MAP4K1: variants seen among roughly 807,000 people sequenced by gnomAD.
MAP4K1 encodes the protein mitogen-activated protein kinase kinase kinase kinase 1.
A neutral mutation model predicts 122.8 loss-of-function variants in MAP4K1; 35 were observed. That is an observed-to-expected ratio of 0.29 (90% CI 0.22 to 0.38). MAP4K1 has a LOEUF of 0.38. MAP4K1 is among the 10% of genes least tolerant of loss of function. The pLI, the probability that MAP4K1 is intolerant of heterozygous loss-of-function variation, is 1.00. For missense variants in MAP4K1, 791 were observed against 1,072.6 expected, an observed-to-expected ratio of 0.74 and a Z score of 3.67; for synonymous variants, 412 against 421.3, an observed-to-expected ratio of 0.98 and a Z score of 0.27.
At chr19:38,616,064 G>A (rs1485844986) in intron 4 of MAP4K1, 131 bp downstream of exon 4, 2 of 627,540 alleles carry the variant, frequency 3.2e-6, no homozygotes, top group African/African-American at 1.9e-5. Context: ...CTCAGCCCAG[G>A]AGTTTGAAAT....
intron 30 of MAP4K1, 87 bp from the exon 31 acceptor site, chr19:38,587,904 G>A: frequency 9.7e-7 from 1 of 1,034,272 alleles, no homozygotes; most frequent in Non-Finnish European, 1.5e-6. Flanking sequence ...TAGAGACTGT[G>A]CCAGCCCCAT....
At chr19:38,598,538 C>T (rs1974956960) in intron 22 of MAP4K1, among the ~76,000 whole-genome samples, 1 of 152,048 alleles carries the variant, frequency 6.6e-6, no homozygotes, top group Non-Finnish European at 1.5e-5. Context: ...CACTATGTTG[C>T]CCAGGCTGAT....
intron 11 of MAP4K1, 82 bp downstream of exon 11, chr19:38,610,969 G>T: frequency 7.8e-7 from 1 of 1,287,384 alleles, no homozygotes; most frequent in Non-Finnish European, 1.1e-6. Flanking sequence ...GGACTCCATG[G>T]AACAAAGTTA....
intron 19 of MAP4K1, among the ~76,000 whole-genome samples, chr19:38,603,331 C>CGCAT (rs1975212901): frequency 6.6e-6 from 1 of 150,382 alleles, no homozygotes. Context: ...TACATATATA[C>CGCAT]GCATATACAT....
In MAP4K1 at chr19:38,597,353, T is replaced by C; in HGVS notation, c.1810A>G (p.Thr604Ala). ...ACACAGCACGCCCGGCAGCCTTTGG[T>C]GTCCTGGATCTTGGTGGAAACCATG... ...KNMVSTKIQD[T>A]KGCRACCVAE... The change falls in exon 24 of 31, where the codon ACC becomes GCC. Residue 604 changes from threonine (T) to alanine (A), a missense_variant. Physicochemically the swap from Thr to Ala is moderately conservative, Grantham distance 58. Coordinates refer to ENST00000396857, the MANE Select transcript of MAP4K1 (RefSeq NM_001042600.3). The surrounding 1 kb of genome is among the most constrained non-coding windows in gnomAD (Gnocchi z 4.6). The C allele has an allele frequency of 6.2e-7, 1 of 1,614,060 alleles. No individual in the cohort carries two copies. Among genetic ancestry groups the C allele is most frequent in the Non-Finnish European group, 8.5e-7 (1 of 1,180,008 alleles).
At chr19:38,590,829 G>GT (rs1253268844) in intron 30 of MAP4K1, among the ~76,000 whole-genome samples, 1 of 151,944 alleles carries the variant, frequency 6.6e-6, no homozygotes, top group African/African-American at 2.4e-5. Flanking sequence ...TTTCAGTGTT[G>GT]TTTTCTTGAT....
chr19:38,596,080 G>C, intron 26 of MAP4K1, 79 bp from the exon 27 acceptor site: 1 of 1,453,312 alleles, frequency 6.9e-7, no homozygotes, highest in Non-Finnish European at 9.6e-7. Flanking sequence ...GCCAGTACCT[G>C]TGCTTTAGCC....
chr19:38,601,487 G>C lies in MAP4K1; in HGVS notation c.1485C>G (p.Pro495=). ...ALLVKLFNGC[P]LRIHSTAAWT... ...AGGCGGCCGTGCTGTGGATCCGGAG[G>C]GGGCAGCCATTGAACAACTTTACGA... Residue 495 remains proline (P), a synonymous_variant, in exon 20 of 31, where the codon CCC becomes CCG. Coordinates refer to ENST00000396857, the MANE Select transcript of MAP4K1 (RefSeq NM_001042600.3). The C allele has an allele frequency of 1.2e-6, 2 of 1,610,354 alleles. No individual in the cohort carries two copies. Among genetic ancestry groups the C allele is most frequent in the Non-Finnish European group, 1.7e-6 (2 of 1,178,642 alleles).
At position 38,590,021 on chromosome 19, in the gene MAP4K1, A is replaced by C. The variant is rs149189413; in HGVS notation, c.2397-2204T>G. On this transcript the variant is annotated intron_variant, in intron 30 of 30. Transcript: ENST00000396857. ...CTCCAGCCAGGGTGACAGAGAGAGA[A>C]TCTATCTTTAAAAAAAAAGAAAAAG... is the stretch of plus-strand genomic sequence containing the variant. 3.1e-3 allele frequency among the ~76,000 whole-genome samples: 475 copies of C among 151,920 alleles called. 4 individuals are homozygous for C. Among genetic ancestry groups the C allele is most frequent in the African/African-American group, 0.011 (445 of 41,468 alleles).
At chr19:38,611,741 C>T (rs1291250593) in intron 9 of MAP4K1, among the ~76,000 whole-genome samples, 1 of 152,144 alleles carries the variant, frequency 6.6e-6, no homozygotes. Flanking sequence ...GATCGTGCCG[C>T]TGCACTCCAG....
intron 9 of MAP4K1, 123 bp from the exon 10 acceptor site, chr19:38,611,428 G>C: frequency 1.4e-6 from 1 of 713,602 alleles, no homozygotes. Flanking sequence ...ATGGAAGTGA[G>C]GTTCAGGTTT....
intron 8 of MAP4K1, among the ~76,000 whole-genome samples, chr19:38,613,168 C>T (rs548371848): frequency 1.3e-3 from 196 of 151,944 alleles, no homozygotes; most frequent in African/African-American, 4.6e-3. Context: ...ATTAGCCGGG[C>T]GTGGTGGCAG....
intron 19 of MAP4K1, 55 bp downstream of exon 19, chr19:38,605,354 C>CCCGCCA: frequency 1.5e-6 from 2 of 1,372,738 alleles, no homozygotes; most frequent in Non-Finnish European, 2.0e-6. Flanking sequence ...CCCACCCCAC[C>CCCGCCA]AGGCATCCCC....
chr19:38,617,582 A>T lies in MAP4K1; in HGVS notation c.143T>A (p.Val48Glu). Residue 48 changes from valine (V) to glutamate (E), a missense_variant, in exon 2 of 31, where the codon GTG (valine) becomes GAG (glutamate). Around this residue, in one of 4 missense-constraint regions of MAP4K1, gnomAD observed 163 missense variants for 286.1 expected, o/e 0.57. Coordinates refer to ENST00000396857, the MANE Select transcript of MAP4K1 (RefSeq NM_001042600.3). This position sits in a 1 kb window ranked among gnomAD's most constrained non-coding sequence, Gnocchi z 4.1. ...VSGDLVALKM[V>E]KMEPDDDVST... Reference sequence around the variant, plus strand: ...TCCCTCCTCACCAGGCTCCATCTTCACCATCTTCAGTGCCACCAGGTCCCC... The same window carrying T: ...TCCCTCCTCACCAGGCTCCATCTTCTCCATCTTCAGTGCCACCAGGTCCCC... 4 of 1,614,066 alleles carry T rather than the reference A, an allele frequency of 2.5e-6. No homozygotes were observed. Among genetic ancestry groups the T allele is most frequent in the Non-Finnish European group, 3.4e-6 (4 of 1,179,992 alleles).
chr19:38,601,579 C>T (rs1311321763), intron 19 of MAP4K1, 54 bp from the exon 20 acceptor site: 13 of 1,343,402 alleles, frequency 9.7e-6, no homozygotes, highest in Non-Finnish European at 1.4e-5. Flanking sequence ...GAGCAGGGAA[C>T]AGGAAGGGGC....
Position 38,601,437 on chromosome 19 carries a change from C to T in MAP4K1, c.1531+4G>A. 2 of 1,604,732 alleles carry T rather than the reference C, an allele frequency of 1.2e-6. No individual in the cohort carries two copies. Among genetic ancestry groups the T allele is most frequent in the Non-Finnish European group, 1.7e-6 (2 of 1,175,678 alleles). ...GGATCTCCTTGACCCTCCAGAATGCCCACCCTTGGTGGAGGGATGTGTCCA... is the reference window on the plus strand; with the variant it reads ...GGATCTCCTTGACCCTCCAGAATGCTCACCCTTGGTGGAGGGATGTGTCCA... On this transcript the variant is annotated splice_donor_region_variant and intron_variant, in intron 20 of 30. Transcript: ENST00000396857.
intron 16 of MAP4K1, among the ~76,000 whole-genome samples, chr19:38,606,865 C>T (rs1248530135): frequency 1.3e-5 from 2 of 152,174 alleles, no homozygotes; most frequent in Non-Finnish European, 1.5e-5. Context: ...CACAGGCTGT[C>T]GCACGTGATG....
chr19:38,590,397 A>ATATATATATATATATG (rs1974688292), intron 30 of MAP4K1, among the ~76,000 whole-genome samples: 1 of 29,764 alleles, frequency 3.4e-5, no homozygotes. Flanking sequence ...AAAAAAAAAT[A>ATATATATATATATATG]TATATATATA....
At chr19:38,603,139 T>TGTATAC (rs1975186526) in intron 19 of MAP4K1, among the ~76,000 whole-genome samples, 1 of 145,940 alleles carries the variant, frequency 6.9e-6, no homozygotes, top group African/African-American at 2.6e-5. Context: ...CGCATATACA[T>TGTATAC]ATATACACAC....
Sources: gnomAD v4.1 joint callset for allele counts (sites outside exome capture counted in the v4.1 genomes callset) on GRCh38, gnomAD v4.1.1 for gene constraint, gnomAD v4.1.1 regional missense constraint, Gnocchi (gnomAD v3.1) non-coding constraint, MANE v1.5 for transcripts, NCBI Gene and HGNC (gene_info 2026-07-23, HGNC 2026-07-21) for gene names.